Variants in CCDC88C observed in about 807,000 individuals in gnomAD.
CCDC88C encodes protein Daple.
In CCDC88C, 131 loss-of-function variants were observed where a neutral mutation model predicts 198.8. That is an observed-to-expected ratio of 0.66 (90% CI 0.57 to 0.76). The LOEUF is 0.76. CCDC88C is among the 30% of genes least tolerant of loss of function. The pLI is 0.00. For synonymous variants in CCDC88C, 1,166 were observed against 1,114.7 expected (o/e 1.05, Z -0.92); for missense variants, 2,553 against 2,631.6 (o/e 0.97, Z 0.65).
chr14:91,369,270 G>A (rs1005394804), intron 3 of CCDC88C, among the ~76,000 whole-genome samples: 27 of 152,156 alleles, frequency 1.8e-4, no homozygotes, highest in Admixed American at 1.1e-3. Flanking sequence ...GCAATGGCGT[G>A]ATCTCGGCTC....
intron 3 of CCDC88C, among the ~76,000 whole-genome samples, chr14:91,376,067 C>T (rs763348170): frequency 1.3e-5 from 2 of 152,088 alleles, no homozygotes; most frequent in South Asian, 2.1e-4. Context: ...AATGTATCTG[C>T]GGAGGAGACC....
At position 91,381,700 on chromosome 14, in the gene CCDC88C, GGCGC is replaced by G. The variant is rs1377790252; in HGVS notation, c.271-21993_271-21990del. Among the ~76,000 whole-genome samples the G allele has an allele frequency of 1.3e-5, 2 of 152,180 alleles. No homozygotes were observed. Among genetic ancestry groups the G allele is most frequent in the African/African-American group, 4.8e-5 (2 of 41,440 alleles). Reference sequence around the variant, plus strand: ...ATACAAACAATTATCTGGGCATGGTGGCGCGTGCATGTAATTCCAGGTACTTGGG... The same window carrying G: ...ATACAAACAATTATCTGGGCATGGTGGTGCATGTAATTCCAGGTACTTGGG... On this transcript the variant is annotated intron_variant, in intron 3 of 29. Transcript: ENST00000389857. The surrounding 1 kb of genome is among the most constrained non-coding windows in gnomAD (Gnocchi z 4.2).
chr14:91,402,180 G>A (rs1458657082), intron 3 of CCDC88C, among the ~76,000 whole-genome samples: 1 of 152,168 alleles, frequency 6.6e-6, no homozygotes, highest in African/African-American at 2.4e-5. Flanking sequence ...GGAGGCTGAG[G>A]TGGGAGAACT....
intron 27 of CCDC88C, 190 bp downstream of exon 27, chr14:91,281,267 C>T: frequency 7.0e-7 from 1 of 1,433,374 alleles, no homozygotes; most frequent in Non-Finnish European, 9.5e-7. Flanking sequence ...GCGAATTCCC[C>T]ACCACTGGAG....
At chr14:91,295,308 T>G (rs755092069) in intron 22 of CCDC88C, among the ~76,000 whole-genome samples, 9 of 152,242 alleles carry the variant, frequency 5.9e-5, no homozygotes, top group Non-Finnish European at 1.2e-4. Flanking sequence ...TAAAAATACT[T>G]CTGTGATTGC....
At chr14:91,342,682 A>T (rs1484525383) in intron 5 of CCDC88C, among the ~76,000 whole-genome samples, 1 of 152,198 alleles carries the variant, frequency 6.6e-6, no homozygotes, top group Non-Finnish European at 1.5e-5. Flanking sequence ...CTTGTTCTTA[A>T]AACTCCCATC....
Position 91,340,003 on chromosome 14 carries a change from C to G in CCDC88C, c.505G>C (p.Val169Leu). 2 of 1,609,444 alleles carry G rather than the reference C, an allele frequency of 1.2e-6. No homozygotes were observed. The highest frequency in any genetic ancestry group is 1.7e-6 in the Non-Finnish European group (2 of 1,178,444). The change falls in exon 7 of 30, where the codon GTG becomes CTG. Residue 169 changes from valine to leucine, a missense_variant. Around this residue, in one of 2 missense-constraint regions of CCDC88C, gnomAD observed 1,260 missense variants for 1,412.0 expected, o/e 0.89. Coordinates refer to ENST00000389857, the MANE Select transcript of CCDC88C (RefSeq NM_001080414.4). ...AGCTCCAGCCACTGCAGGTCAAACACGTTCTCTTGGTTGTGAGTCACCTGT... is the reference window on the plus strand; with the variant it reads ...AGCTCCAGCCACTGCAGGTCAAACAGGTTCTCTTGGTTGTGAGTCACCTGT... ...IQEVTHNQENVFDLQWLELPD... is the reference protein window; with the variant it reads ...IQEVTHNQENLFDLQWLELPD...
In CCDC88C at chr14:91,390,030, C is replaced by CCA. The variant is rs549522591; in HGVS notation, c.270+18627_270+18628dup. ...GAGCTTGCAGTGAGCCGAGATTGTG[C>CCA]CACTGCACTCCAGCCTGGGCGACAG... On this transcript the variant is annotated intron_variant, in intron 3 of 29. Coordinates refer to ENST00000389857, the MANE Select transcript of CCDC88C (RefSeq NM_001080414.4). Among the ~76,000 whole-genome samples, 27 of 151,548 alleles carry CCA rather than the reference C, an allele frequency of 1.8e-4. No homozygotes were observed. The East Asian group carries it at 1.9e-3, about 11-fold the overall frequency.
chr14:91,355,579 C>A (rs1894009478), intron 4 of CCDC88C, among the ~76,000 whole-genome samples: 1 of 152,168 alleles, frequency 6.6e-6, no homozygotes, highest in Admixed American at 6.5e-5. Flanking sequence ...CCAGGGCAGA[C>A]ACAGCGTAAG....
intron 20 of CCDC88C, among the ~76,000 whole-genome samples, 179 bp downstream of exon 20, chr14:91,303,522 A>G (rs1403481780): frequency 6.0e-5 from 1 of 16,690 alleles, no homozygotes; most frequent in Non-Finnish European, 1.1e-4. Context: ...CCCCTCCTCC[A>G]GGCTCTATCA....
intron 12 of CCDC88C, among the ~76,000 whole-genome samples, chr14:91,323,284 C>T (rs759872742): frequency 1.3e-5 from 2 of 152,180 alleles, no homozygotes; most frequent in Non-Finnish European, 2.9e-5. Flanking sequence ...GTAAGACAGA[C>T]AAGAAGAGCT....
intron 3 of CCDC88C, among the ~76,000 whole-genome samples, chr14:91,389,740 A>G (rs1310614208): frequency 1.3e-5 from 2 of 148,642 alleles, no homozygotes; most frequent in Admixed American, 1.3e-4. Flanking sequence ...AAAAAAAAAG[A>G]AAGAAAAAGA....
At chr14:91,396,821 T>G (rs935090274) in intron 3 of CCDC88C, among the ~76,000 whole-genome samples, 3 of 151,938 alleles carry the variant, frequency 2.0e-5, no homozygotes, top group African/African-American at 7.3e-5. Context: ...ACAGGGAGAC[T>G]CTGTCTCTAC....
At chr14:91,389,500 T>C (rs910463731) in intron 3 of CCDC88C, among the ~76,000 whole-genome samples, 2 of 152,180 alleles carry the variant, frequency 1.3e-5, no homozygotes, top group African/African-American at 4.8e-5. Flanking sequence ...CCTAGGACTA[T>C]CCATCATCAA....
At chr14:91,383,738 A>G (rs1299393624) in intron 3 of CCDC88C, among the ~76,000 whole-genome samples, 1 of 152,212 alleles carries the variant, frequency 6.6e-6, no homozygotes, top group Non-Finnish European at 1.5e-5. Context: ...GGACTCCCGC[A>G]GGTCACAAAC....
At chr14:91,400,175 C>T (rs942718472) in intron 3 of CCDC88C, among the ~76,000 whole-genome samples, 14 of 152,186 alleles carry the variant, frequency 9.2e-5, no homozygotes, top group African/African-American at 2.9e-4. Context: ...GTGAGCATCT[C>T]GGGCATGGAG....
At chr14:91,403,168 G>A (rs547052518) in intron 3 of CCDC88C, among the ~76,000 whole-genome samples, 1 of 152,164 alleles carries the variant, frequency 6.6e-6, no homozygotes, top group South Asian at 2.1e-4. Flanking sequence ...TGCACCTGGC[G>A]AGGAGAGGCG....
At chr14:91,320,024 CAAAAAAAAAAAAAAA>C (rs61102058) in intron 13 of CCDC88C, among the ~76,000 whole-genome samples, 17 of 24,156 alleles carry the variant, frequency 7.0e-4, no homozygotes, top group East Asian at 1.3e-3. Flanking sequence ...AACTCAGTCT[CAAAAAAAAAAAAAAA>C]AAAAAAAAAA....
intron 3 of CCDC88C, among the ~76,000 whole-genome samples, chr14:91,376,992 G>GC (rs947293270): frequency 4.5e-5 from 3 of 66,750 alleles, no homozygotes; most frequent in African/African-American, 5.8e-5. Context: ...CTGCCTGCCC[G>GC]CCCCCCCTCC....
Sources: gnomAD v4.1 joint callset for allele counts (sites outside exome capture counted in the v4.1 genomes callset) on GRCh38, gnomAD v4.1.1 for gene constraint, gnomAD v4.1.1 regional missense constraint, Gnocchi (gnomAD v3.1) non-coding constraint, MANE v1.5 for transcripts, NCBI Gene and HGNC (gene_info 2026-07-23, HGNC 2026-07-21) for gene names.